The following IL17RC variants were observed in gnomAD, a reference collection of about 807,000 sequenced individuals.
The protein encoded by IL17RC is interleukin 17 receptor C.
IL17RC carries 53 observed loss-of-function variants against 86.7 expected under a neutral mutation model. The observed-to-expected ratio is 0.61, with a 90% CI of 0.49 to 0.77. The LOEUF (loss-of-function observed/expected upper bound fraction) is 0.77. Ranked by LOEUF, IL17RC falls within the 30% of genes least tolerant of loss-of-function variation. The pLI is 0.00. For missense variants in IL17RC, 957 were observed against 940.0 expected (o/e 1.02, Z -0.24); for synonymous variants, 439 against 413.1 (o/e 1.06, Z -0.76).
In IL17RC at chr3:9,933,108, G is replaced by C; in HGVS notation, c.1678G>C (p.Val560Leu). Residue 560 changes from valine to leucine, a missense_variant, in exon 19 of 19, where the codon GTG (valine) becomes CTG (leucine). Val to Leu is a conservative substitution (Grantham distance 32). Coordinates refer to ENST00000403601, the MANE Select transcript of IL17RC (RefSeq NM_153460.4). ...SRRELSAQGP[V>L]AWFHAQRRQT... Reference sequence around the variant, plus strand: ...TCGTGAACTGAGCGCGCAGGGGCCCGTGGCTTGGTTTCACGCGCAGCGGCG... The same window carrying C: ...TCGTGAACTGAGCGCGCAGGGGCCCCTGGCTTGGTTTCACGCGCAGCGGCG... 6.3e-7 allele frequency: 1 copy of C among 1,579,170 alleles called. No individual in the cohort carries two copies. The highest frequency in any genetic ancestry group is 8.6e-7 in the Non-Finnish European group (1 of 1,168,104).
chr3:9,922,804 G>A (rs2083692122), intron 7 of IL17RC, among the ~76,000 whole-genome samples: 1 of 152,034 alleles, frequency 6.6e-6, no homozygotes. Flanking sequence ...GGTGAGGGAG[G>A]AGCCATATAT....
At chr3:9,926,842 G>T (rs995041588) in intron 9 of IL17RC, among the ~76,000 whole-genome samples, 2 of 151,948 alleles carry the variant, frequency 1.3e-5, no homozygotes, top group East Asian at 3.9e-4. Flanking sequence ...AGATGGTCTC[G>T]ATCTCTTGAC....
At chr3:9,920,317 T>C (rs773110498) in intron 5 of IL17RC, 174 bp from the exon 6 acceptor site, 27 of 575,720 alleles carry the variant, frequency 4.7e-5, no homozygotes, top group Non-Finnish European at 7.8e-5. Flanking sequence ...TGCTTTAGAA[T>C]TGAGGCCCCT....
At chr3:9,922,571 A>G (rs1317677021) in intron 7 of IL17RC, among the ~76,000 whole-genome samples, 3 of 152,218 alleles carry the variant, frequency 2.0e-5, no homozygotes, top group Non-Finnish European at 4.4e-5. Flanking sequence ...TGGAAATATT[A>G]ATAAATCAAT....
At chr3:9,923,631 A>G (rs922279686) in intron 7 of IL17RC, among the ~76,000 whole-genome samples, 13 of 152,038 alleles carry the variant, frequency 8.6e-5, no homozygotes, top group Admixed American at 7.2e-4. Context: ...CTTGTTTTAA[A>G]GAGGTTACAA....
chr3:9,918,125 G>C (rs372691493), intron 3 of IL17RC, 50 bp downstream of exon 3: 53 of 1,535,790 alleles, frequency 3.5e-5, no homozygotes, highest in Non-Finnish European at 4.5e-5. Flanking sequence ...AGTGTGTCTG[G>C]GGTGGGCATG....
At chr3:9,928,678 AC>A (rs746064047) in intron 12 of IL17RC, 48 bp downstream of exon 12, 12 of 1,592,228 alleles carry the variant, frequency 7.5e-6, no homozygotes, top group South Asian at 1.1e-5. Context: ...ACCTGGGCAG[AC>A]CCCCCAGCCA....
intron 16 of IL17RC, among the ~76,000 whole-genome samples, chr3:9,931,470 CATATAT>C (rs1553593529): frequency 0.14 from 6,066 of 43,768 alleles, 590 homozygotes; most frequent in African/African-American, 0.28. Flanking sequence ...CACACACACA[CATATAT>C]ATATATATAT....
chr3:9,919,645 C>CA (rs991641622), intron 5 of IL17RC, among the ~76,000 whole-genome samples: 5 of 150,084 alleles, frequency 3.3e-5, no homozygotes, highest in African/African-American at 7.3e-5. Context: ...GATTCCGTCT[C>CA]AAAAAAAAAG....
chr3:9,933,322 GGGCCTGCTTCGACA>G lies in IL17RC; in HGVS notation c.1896_1909del (p.Cys633AlafsTer57). 6.2e-7 allele frequency: 1 copy of G among 1,608,254 alleles called. No homozygotes were observed. The highest frequency in any genetic ancestry group is 8.5e-7 in the Non-Finnish European group (1 of 1,177,544). On this transcript the variant is annotated frameshift_variant, in exon 19 of 19. Transcript: ENST00000403601. LOFTEE classifies it low-confidence loss of function (END_TRUNC). ...GGCCGGGCGCCCGGCAGCTACGTGG[GGGCCTGCTTCGACA>G]GGCTGCTCCACCCGGACGCCGTACC...
At position 9,930,285 on chromosome 3, in the gene IL17RC, C is replaced by T; in HGVS notation, c.1279-115C>T. ...CTCAGACCAGGGCCATATTCAGCGG[C>T]ATCACCAAAGTCTCCCAGTCCCCTC... On this transcript the variant is annotated intron_variant, in intron 14 of 18. Coordinates refer to ENST00000403601, the MANE Select transcript of IL17RC (RefSeq NM_153460.4). The surrounding 1 kb of genome is among the most constrained non-coding windows in gnomAD (Gnocchi z 5.8). 6.6e-7 allele frequency: 1 copy of T among 1,521,984 alleles called. No individual in the cohort carries two copies. The highest frequency in any genetic ancestry group is 9.1e-7 in the Non-Finnish European group (1 of 1,104,644). The allele number at this position is 1,521,984 out of a possible 1,614,324, so 94.3% of individuals were successfully genotyped here.
At position 9,933,295 on chromosome 3, in the gene IL17RC, A is replaced by G; in HGVS notation, c.1865A>G (p.Gln622Arg). ...SLSCVLPDFL[Q>R]GRAPGSYVGA... ...AGCTGCGTGCTGCCCGACTTCTTGC[A>G]GGGCCGGGCGCCCGGCAGCTACGTG... Residue 622 changes from glutamine to arginine, a missense_variant, in exon 19 of 19, where the codon CAG becomes CGG. Coordinates refer to ENST00000403601, the MANE Select transcript of IL17RC (RefSeq NM_153460.4). 6.2e-7 allele frequency: 1 copy of G among 1,604,182 alleles called. No homozygotes were observed. Among genetic ancestry groups the G allele is most frequent in the South Asian group, 1.1e-5 (1 of 89,944 alleles).
At chr3:9,917,629 A>C in intron 1 of IL17RC, 84 bp from the exon 2 acceptor site, 2 of 1,614,078 alleles carry the variant, frequency 1.2e-6, no homozygotes, top group Non-Finnish European at 1.7e-6. Flanking sequence ...GAGCCCCAGA[A>C]AAAGGTAGGT....
chr3:9,917,789 C>G (rs951685125), intron 2 of IL17RC, 55 bp downstream of exon 2: 72 of 1,610,450 alleles, frequency 4.5e-5, no homozygotes, highest in Non-Finnish European at 5.8e-5. Context: ...GGGAGCAGAG[C>G]TGTCCCAGGC....
intron 5 of IL17RC, among the ~76,000 whole-genome samples, chr3:9,919,488 T>C (rs1314202243): frequency 2.0e-5 from 3 of 151,764 alleles, no homozygotes; most frequent in African/African-American, 7.3e-5. Context: ...ACTAAAAAAA[T>C]ACAAAAAATT....
Position 9,933,486 on chromosome 3 carries a change from C to A in IL17RC, c.2056C>A (p.Arg686=). The change falls in exon 19 of 19, where the codon CGG becomes AGG. Residue 686 remains arginine (R), a synonymous_variant. Transcript: ENST00000403601. ...RLQERAEQVS[R]ALQPALDSYF... is the part of the protein sequence containing the mutation. ...CCAAGAGAGAGCGGAGCAAGTGTCCCGGGCCCTTCAGCCAGCCCTGGATAG... is the reference window on the plus strand; with the variant it reads ...CCAAGAGAGAGCGGAGCAAGTGTCCAGGGCCCTTCAGCCAGCCCTGGATAG... 1.9e-6 allele frequency: 3 copies of A among 1,612,058 alleles called. No individual in the cohort carries two copies. Among genetic ancestry groups the A allele is most frequent in the Non-Finnish European group, 2.5e-6 (3 of 1,179,496 alleles).
At chr3:9,926,959 A>T (rs1044648458) in intron 9 of IL17RC, among the ~76,000 whole-genome samples, 10 of 152,132 alleles carry the variant, frequency 6.6e-5, no homozygotes, top group Admixed American at 3.9e-4. Context: ...TGAGGTCCTC[A>T]CTGTTGAATG....
At chr3:9,921,058 C>G in intron 7 of IL17RC, 89 bp downstream of exon 7, 1 of 738,976 alleles carries the variant, frequency 1.4e-6, no homozygotes, top group Non-Finnish European at 2.2e-6. Context: ...ATATGGGCTA[C>G]CACATCTCAG....
chr3:9,931,496 T>C (rs921250427), intron 16 of IL17RC, among the ~76,000 whole-genome samples: 3 of 147,804 alleles, frequency 2.0e-5, no homozygotes, highest in Non-Finnish European at 4.5e-5. Context: ...TATATATATA[T>C]ATATATACTT....
Sources: gnomAD v4.1 joint callset for allele counts (sites outside exome capture counted in the v4.1 genomes callset) on GRCh38, gnomAD v4.1.1 for gene constraint, Gnocchi (gnomAD v3.1) non-coding constraint, MANE v1.5 for transcripts, NCBI Gene and HGNC (gene_info 2026-07-23, HGNC 2026-07-21) for gene names.